Variants in CARS1 observed in about 807,000 individuals in gnomAD.
CARS1 encodes the protein cysteinyl-tRNA synthetase 1, also known as cysteine--tRNA ligase, cytoplasmic.
CARS1 carries 48 observed loss-of-function variants against 106.2 expected under a neutral mutation model. That is an observed-to-expected ratio of 0.45 (90% CI 0.36 to 0.57). The LOEUF is 0.57. CARS1 is among the 20% of genes least tolerant of loss of function. The pLI is 0.00. For missense variants in CARS1, 968 were observed against 1,057.2 expected (o/e 0.92, Z 1.17); for synonymous variants, 409 against 403.4 (o/e 1.01, Z -0.17).
In CARS1 at chr11:3,034,704, T is replaced by A. The variant is rs189082986; in HGVS notation, c.801+3346A>T. ...GCCACAACACCCAGCTAATTTTTTT[T>A]TTTTTATTTTTAGTAGAGACGGGGT... On this transcript the variant is annotated intron_variant, in intron 7 of 22. Coordinates refer to ENST00000380525, the MANE Select transcript of CARS1 (RefSeq NM_001014437.3). The surrounding 1 kb of genome is among the most constrained non-coding windows in gnomAD (Gnocchi z 6.3). 4.6e-3 allele frequency among the ~76,000 whole-genome samples: 699 copies of A among 152,020 alleles called. 4 individuals carry two copies. Among genetic ancestry groups the A allele is most frequent in the South Asian group, 0.019 (93 of 4,818 alleles).
chr11:3,035,497 T>C (rs1233913386), intron 7 of CARS1, among the ~76,000 whole-genome samples: 3 of 152,172 alleles, frequency 2.0e-5, no homozygotes, highest in Non-Finnish European at 4.4e-5. Context: ...TCTTTCTTTT[T>C]TTTTAAGAGT....
chr11:3,045,477 C>T lies in CARS1; in HGVS notation c.274+2276G>A, dbSNP rs1057171477. Among the ~76,000 whole-genome samples, 6 of 151,608 alleles carry T rather than the reference C, an allele frequency of 4.0e-5. No individual in the cohort carries two copies. The highest frequency in any genetic ancestry group is 1.5e-4 in the African/African-American group (6 of 41,266). ...GACAGGTTGTCACCGACTTAGCGAG[C>T]ATGGTCTCAATCTCCTGACCTCGTG... On this transcript the variant is annotated intron_variant, in intron 2 of 22. Transcript: ENST00000380525. This position sits in a 1 kb window ranked among gnomAD's most constrained non-coding sequence, Gnocchi z 5.6.
At position 3,049,934 on chromosome 11, in the gene CARS1, C is replaced by T. The variant is rs143071157; in HGVS notation, c.26-1933G>A. On this transcript the variant is annotated intron_variant, in intron 1 of 22. Transcript: ENST00000380525. ...TGCTTTGCTTAGTGTGGGGAAAGCCCTTCGTGTCAGGCCAATAACTGGCAC... is the reference window on the plus strand; with the variant it reads ...TGCTTTGCTTAGTGTGGGGAAAGCCTTTCGTGTCAGGCCAATAACTGGCAC... Among the ~76,000 whole-genome samples the T allele has an allele frequency of 3.6e-3, 544 of 152,282 alleles. 1 individual carries two copies. Among genetic ancestry groups the T allele is most frequent in the African/African-American group, 0.013 (520 of 41,548 alleles).
intron 16 of CARS1, among the ~76,000 whole-genome samples, chr11:3,016,369 C>T (rs1379830378): frequency 3.9e-5 from 6 of 151,964 alleles, no homozygotes; most frequent in East Asian, 1.9e-4. Context: ...TACAGGAACC[C>T]GCCACCATGC....
At position 3,050,656 on chromosome 11, in the gene CARS1, TG is replaced by T. The variant is rs1352027239; in HGVS notation, c.26-2656del. ...CACAAGCCTGTCCTCATGCTGGCCATGGGCCCCCACCTGACTCACAATACCC... is the reference window on the plus strand; with the variant it reads ...CACAAGCCTGTCCTCATGCTGGCCATGGCCCCCACCTGACTCACAATACCC... On this transcript the variant is annotated intron_variant, in intron 1 of 22. Coordinates refer to ENST00000380525, the MANE Select transcript of CARS1 (RefSeq NM_001014437.3). The surrounding 1 kb of genome is among the most constrained non-coding windows in gnomAD (Gnocchi z 6.3). Among the ~76,000 whole-genome samples, 1 of 152,202 alleles carries T rather than the reference TG, an allele frequency of 6.6e-6. No homozygotes were observed.
chr11:3,017,500 A>G lies in CARS1; in HGVS notation c.1728-205T>C, dbSNP rs1201008802. 2 of 582,038 alleles carry G rather than the reference A, an allele frequency of 3.4e-6. No individual in the cohort carries two copies. Among genetic ancestry groups the G allele is most frequent in the African/African-American group, 3.7e-5 (2 of 53,598 alleles). The allele number at this position is 582,038 out of a possible 1,614,324, so 36.1% of individuals were successfully genotyped here. ...CTCTACTAAAAATCTGAAATTAGCC[A>G]GGTATGGTGGCGCATGCCTGTAACC... On this transcript the variant is annotated intron_variant, in intron 15 of 22. Coordinates refer to ENST00000380525, the MANE Select transcript of CARS1 (RefSeq NM_001014437.3). The surrounding 1 kb of genome is among the most constrained non-coding windows in gnomAD (Gnocchi z 4.9).
At chr11:3,012,404 C>T in intron 17 of CARS1, 128 bp from the exon 18 acceptor site, 1 of 758,096 alleles carries the variant, frequency 1.3e-6, no homozygotes, top group Non-Finnish European at 2.3e-6. Flanking sequence ...CACACTACAG[C>T]TGTGACCGGC....
chr11:3,051,051 G>A (rs1000366280), intron 1 of CARS1, among the ~76,000 whole-genome samples: 2 of 152,236 alleles, frequency 1.3e-5, no homozygotes, highest in African/African-American at 2.4e-5. Context: ...CATGCCACCA[G>A]TGGTGGGCTG....
In CARS1 at chr11:3,038,951, C is replaced by T. The variant is rs1012041922; in HGVS notation, c.651+243G>A. 4.6e-5 allele frequency among the ~76,000 whole-genome samples: 7 copies of T among 152,280 alleles called. No homozygotes were observed. The highest frequency in any genetic ancestry group is 1.7e-4 in the African/African-American group (7 of 41,554). On this transcript the variant is annotated intron_variant, in intron 6 of 22. Transcript: ENST00000380525. This position sits in a 1 kb window ranked among gnomAD's most constrained non-coding sequence, Gnocchi z 4.0. ...CACTGTGATGAATTCAGTTGTTTTC[C>T]TGTAAGTGGCAGGAATGTCACCTAC...
rs1851084634 is a variant in CARS1 at position 3,017,052 on chromosome 11, T to C, written c.1917+54A>G. 3.3e-6 allele frequency: 5 copies of C among 1,513,766 alleles called. No homozygotes were observed. The highest frequency in any genetic ancestry group is 4.5e-6 in the Non-Finnish European group (5 of 1,107,208). The allele number at this position is 1,513,766 out of a possible 1,614,324, so 93.8% of individuals were successfully genotyped here. A position where few individuals can be genotyped will look rare whatever the true frequency, so the allele number is the denominator to read the frequency against. ...CCTCTGTTCTCCCAGTCCTGGGGCCTGGCTCCTGTGTCCACACAGGCTGAG... is the reference window on the plus strand; with the variant it reads ...CCTCTGTTCTCCCAGTCCTGGGGCCCGGCTCCTGTGTCCACACAGGCTGAG... On this transcript the variant is annotated intron_variant, in intron 16 of 22. Transcript: ENST00000380525. The surrounding 1 kb of genome is among the most constrained non-coding windows in gnomAD (Gnocchi z 4.9).
In CARS1 at chr11:3,038,826, G is replaced by C. The variant is rs1854028667; in HGVS notation, c.651+368C>G. On this transcript the variant is annotated intron_variant, in intron 6 of 22. Coordinates refer to ENST00000380525, the MANE Select transcript of CARS1 (RefSeq NM_001014437.3). This position sits in a 1 kb window ranked among gnomAD's most constrained non-coding sequence, Gnocchi z 4.0. Reference sequence around the variant, plus strand: ...TTACCAAATTAAAAAGCTTAGTATAGCTTTTGTATCTTGGGCAGAAGTTTC... The same window carrying C: ...TTACCAAATTAAAAAGCTTAGTATACCTTTTGTATCTTGGGCAGAAGTTTC... Among the ~76,000 whole-genome samples, 1 of 152,186 alleles carries C rather than the reference G, an allele frequency of 6.6e-6. No individual in the cohort carries two copies. The highest frequency in any genetic ancestry group is 1.5e-5 in the Non-Finnish European group (1 of 68,038).
chr11:3,054,177 G>A (rs1364796235), intron 1 of CARS1, among the ~76,000 whole-genome samples: 2 of 152,038 alleles, frequency 1.3e-5, no homozygotes, highest in South Asian at 2.1e-4. Flanking sequence ...CCCACTCCCC[G>A]TCCTGATCAC....
At chr11:3,032,319 T>C (rs546477883) in intron 7 of CARS1, among the ~76,000 whole-genome samples, 1 of 152,010 alleles carries the variant, frequency 6.6e-6, no homozygotes, top group African/African-American at 2.4e-5. Flanking sequence ...GATCTGCCCA[T>C]CTCGGCCTCC....
In CARS1 at chr11:3,028,142, CCT is replaced by C. The variant is rs964834305; in HGVS notation, c.1031+852_1031+853del. 6.0e-3 allele frequency: 1,805 copies of C among 299,142 alleles called. No individual in the cohort carries two copies. The highest frequency in any genetic ancestry group is 0.012 in the Middle Eastern group (10 of 866). The allele number at this position is 299,142 out of a possible 1,614,324, so 18.5% of individuals were successfully genotyped here. On this transcript the variant is annotated intron_variant, in intron 9 of 22. Coordinates refer to ENST00000380525, the MANE Select transcript of CARS1 (RefSeq NM_001014437.3). This position sits in a 1 kb window ranked among gnomAD's most constrained non-coding sequence, Gnocchi z 4.4. ...TGGCGTAAGCTGCCTCTCTCTGTCT[CCT>C]CTCTCTCTCTGCCTTGGCTGCCAGG...
intron 7 of CARS1, among the ~76,000 whole-genome samples, chr11:3,036,591 CAGCCACTGCAGAAACAATACGG>C (rs1430443152): frequency 1.6e-4 from 24 of 152,350 alleles, no homozygotes; most frequent in Non-Finnish European, 2.4e-4. Flanking sequence ...TGTAATAGTG[CAGCCACTGCAGAAACAATACGG>C]TGGTTACGCA....
chr11:3,056,944 C>T (rs1856268123), intron 1 of CARS1, among the ~76,000 whole-genome samples: 1 of 152,180 alleles, frequency 6.6e-6, no homozygotes, highest in Non-Finnish European at 1.5e-5. Flanking sequence ...CCCGCGGGGT[C>T]TGTGCTCCAG....
rs1851283322 is a variant in CARS1 at position 3,018,733 on chromosome 11, T to C, written c.1412A>G (p.Asp471Gly). The C allele has an allele frequency of 6.2e-7, 1 of 1,613,870 alleles. No individual in the cohort carries two copies. The highest frequency in any genetic ancestry group is 8.5e-7 in the Non-Finnish European group (1 of 1,179,874). The change falls in exon 13 of 23, where the codon GAC becomes GGC. Residue 471 changes from aspartate (D) to glycine (G), a missense_variant. By Grantham distance (94) the Asp-to-Gly change is moderately conservative (BLOSUM62 -1). Transcript: ENST00000380525. ...GTGCAGGAAGTACCTGACCCAGCAG[T>C]CGTTTTCAAAGTAGGCCTGCGTGGA... ...LAQSEAYFEN[D>G]CWVRYFLHTG...
intron 14 of CARS1, 59 bp downstream of exon 14, chr11:3,018,349 G>C: frequency 1.8e-6 from 2 of 1,124,242 alleles, no homozygotes; most frequent in African/African-American, 1.5e-5. Flanking sequence ...ACTGCACAAG[G>C]TGCCCACTGT....
At chr11:3,047,610 T>A in intron 2 of CARS1, 143 bp downstream of exon 2, 1 of 1,139,754 alleles carries the variant, frequency 8.8e-7, no homozygotes, top group Non-Finnish European at 1.2e-6. Flanking sequence ...CATCTGCCCA[T>A]CCAGGCCACT....
Sources: allele counts gnomAD v4.1 joint callset (sites outside exome capture counted in the v4.1 genomes callset), GRCh38; gene constraint gnomAD v4.1.1; non-coding constraint Gnocchi (gnomAD v3.1); transcripts MANE v1.5; gene names NCBI Gene and HGNC (gene_info 2026-07-23, HGNC 2026-07-21).